The following BRINP2 variants were observed in gnomAD, a reference collection of about 807,000 sequenced individuals.
The protein encoded by BRINP2 is BMP/retinoic acid inducible neural specific 2, also known as BMP/retinoic acid-inducible neural-specific protein 2.
BRINP2 carries 21 observed loss-of-function variants against 69.2 expected under a neutral mutation model. The ratio of observed to expected loss-of-function variants is 0.30; its 90% CI spans 0.22 to 0.44. BRINP2 has a LOEUF of 0.44. Ranked by LOEUF, BRINP2 falls within the 20% of genes least tolerant of loss-of-function variation. BRINP2 has a pLI of 1.00. For synonymous variants in BRINP2, 380 were observed against 394.1 expected, an observed-to-expected ratio of 0.96 and a Z score of 0.42; for missense variants, 877 against 986.0, an observed-to-expected ratio of 0.89 and a Z score of 1.48.
intron 1 of BRINP2, among the ~76,000 whole-genome samples, chr1:177,213,807 T>C (rs1238165852): frequency 6.6e-6 from 1 of 152,222 alleles, no homozygotes; most frequent in African/African-American, 2.4e-5. Context: ...TTTTCTCCCA[T>C]CTTCCCTTTC....
chr1:177,199,720 T>G (rs1017935589), intron 1 of BRINP2, among the ~76,000 whole-genome samples: 1 of 152,216 alleles, frequency 6.6e-6, no homozygotes, highest in Non-Finnish European at 1.5e-5. Context: ...CAAGATTGTT[T>G]TGTTGATGTA....
At chr1:177,215,926 G>A (rs557432757) in intron 1 of BRINP2, among the ~76,000 whole-genome samples, 37 of 151,792 alleles carry the variant, frequency 2.4e-4, no homozygotes, top group Admixed American at 2.0e-4. Context: ...AGTTTATTTT[G>A]TCTAAGTATC....
intron 1 of BRINP2, among the ~76,000 whole-genome samples, chr1:177,180,965 G>A (rs562295154): frequency 4.6e-5 from 7 of 152,260 alleles, no homozygotes; most frequent in African/African-American, 1.4e-4. Flanking sequence ...CTATGAATGA[G>A]CGCCTGCTGT....
chr1:177,178,826 A>G (rs1188262931), intron 1 of BRINP2, among the ~76,000 whole-genome samples: 1 of 152,174 alleles, frequency 6.6e-6, no homozygotes, highest in Non-Finnish European at 1.5e-5. Context: ...ACACAGATAA[A>G]AGGTCTGCCC....
At chr1:177,280,303 T>G in intron 7 of BRINP2, 109 bp from the exon 8 acceptor site, 1 of 1,160,172 alleles carries the variant, frequency 8.6e-7, no homozygotes, top group East Asian at 2.4e-5. Context: ...GGGATTTTAT[T>G]TTCCTCATTG....
intron 6 of BRINP2, among the ~76,000 whole-genome samples, chr1:177,278,258 C>T (rs544363503): frequency 1.1e-4 from 17 of 152,156 alleles, no homozygotes; most frequent in African/African-American, 3.9e-4. Flanking sequence ...GAAAGAGATG[C>T]ATCCAAGGTC....
At chr1:177,226,970 C>T (rs1411213346) in intron 1 of BRINP2, among the ~76,000 whole-genome samples, 3 of 152,164 alleles carry the variant, frequency 2.0e-5, no homozygotes, top group African/African-American at 4.8e-5. Flanking sequence ...AGTTCCACCC[C>T]GGGTATTGCT....
chr1:177,200,599 T>C (rs1231520498), intron 1 of BRINP2, among the ~76,000 whole-genome samples: 1 of 152,154 alleles, frequency 6.6e-6, no homozygotes, highest in Non-Finnish European at 1.5e-5. Flanking sequence ...TTCTTCCAAA[T>C]GCCGTGTTTG....
chr1:177,240,091 GT>G (rs1161097761), intron 2 of BRINP2, among the ~76,000 whole-genome samples: 4 of 152,204 alleles, frequency 2.6e-5, no homozygotes, highest in African/African-American at 7.2e-5. Context: ...CAAGTTCTTT[GT>G]TATGAGCCCC....
intron 1 of BRINP2, among the ~76,000 whole-genome samples, chr1:177,187,865 T>C (rs989770852): frequency 3.3e-5 from 5 of 152,330 alleles, no homozygotes; most frequent in Admixed American, 6.5e-5. Flanking sequence ...TGTTTGGAAA[T>C]GTTCTGTAAT....
At chr1:177,242,828 TGAA>T (rs1368218788) in intron 2 of BRINP2, among the ~76,000 whole-genome samples, 1 of 152,152 alleles carries the variant, frequency 6.6e-6, no homozygotes, top group Non-Finnish European at 1.5e-5. Flanking sequence ...TGTTCTGGGA[TGAA>T]ATTAGATGAA....
Position 177,280,590 on chromosome 1 carries a change from G to T in BRINP2, c.1414G>T (p.Asp472Tyr), listed in dbSNP as rs1651662042. 6.2e-7 allele frequency: 1 copy of T among 1,614,036 alleles called. No individual in the cohort carries two copies. ...EGPACAHCAP[D>Y]NSTRCGSCNP... ...GCCCGCGTGTGCCCACTGTGCTCCAGACAATAGCACACGCTGTGGGAGCTG... is the reference window on the plus strand; with the variant it reads ...GCCCGCGTGTGCCCACTGTGCTCCATACAATAGCACACGCTGTGGGAGCTG... The change falls in exon 8 of 8, where the codon GAC (aspartate) becomes TAC (tyrosine). Residue 472 changes from aspartate (D) to tyrosine (Y), a missense_variant. Transcript: ENST00000361539.
chr1:177,280,749 A>G lies in BRINP2; in HGVS notation c.1573A>G (p.Ile525Val). The change falls in exon 8 of 8, where the codon ATT becomes GTT. Residue 525 changes from isoleucine (I) to valine (V), a missense_variant. Coordinates refer to ENST00000361539, the MANE Select transcript of BRINP2 (RefSeq NM_021165.4). Reference protein sequence around the residue: ...KYLLQKQDSRIEVHSIFISND... With the variant: ...KYLLQKQDSRVEVHSIFISND... ...CCTGCTGCAGAAGCAGGATAGCCGCATTGAGGTACACTCCATCTTCATCAG... is the reference window on the plus strand; with the variant it reads ...CCTGCTGCAGAAGCAGGATAGCCGCGTTGAGGTACACTCCATCTTCATCAG... 1 of 1,614,202 alleles carries G rather than the reference A, an allele frequency of 6.2e-7. No individual in the cohort carries two copies. Among genetic ancestry groups the G allele is most frequent in the Non-Finnish European group, 8.5e-7 (1 of 1,180,026 alleles).
chr1:177,203,279 G>A (rs981164112), intron 1 of BRINP2, among the ~76,000 whole-genome samples: 1 of 152,070 alleles, frequency 6.6e-6, no homozygotes, highest in African/African-American at 2.4e-5. Context: ...ATTGAACAAT[G>A]AGAACACATG....
intron 1 of BRINP2, among the ~76,000 whole-genome samples, chr1:177,223,253 C>T (rs924343658): frequency 6.6e-6 from 1 of 152,130 alleles, no homozygotes; most frequent in Admixed American, 6.6e-5. Context: ...GGCTGGTTAT[C>T]ACACAGAGAG....
chr1:177,202,591 T>G (rs1648947499), intron 1 of BRINP2, among the ~76,000 whole-genome samples: 1 of 152,228 alleles, frequency 6.6e-6, no homozygotes, highest in Non-Finnish European at 1.5e-5. Flanking sequence ...TTCTGTTCTT[T>G]TACATTTGCT....
intron 1 of BRINP2, among the ~76,000 whole-genome samples, chr1:177,193,354 AG>A (rs1167935939): frequency 1.3e-5 from 2 of 152,168 alleles, no homozygotes; most frequent in Non-Finnish European, 2.9e-5. Context: ...TCAGGCTGTG[AG>A]GGGGAGGGAT....
At chr1:177,247,623 G>A (rs1650425736) in intron 2 of BRINP2, among the ~76,000 whole-genome samples, 1 of 152,246 alleles carries the variant, frequency 6.6e-6, no homozygotes, top group South Asian at 2.1e-4. Context: ...AGCACTAAAA[G>A]TTGGAGGGGG....
chr1:177,187,714 T>C (rs1218765375), intron 1 of BRINP2, among the ~76,000 whole-genome samples: 1 of 152,166 alleles, frequency 6.6e-6, no homozygotes, highest in Admixed American at 6.5e-5. Context: ...AATGTTGTAT[T>C]CCACTTATTT....
Sources: gnomAD v4.1 joint callset for allele counts (sites outside exome capture counted in the v4.1 genomes callset) on GRCh38, gnomAD v4.1.1 for gene constraint, MANE v1.5 for transcripts, NCBI Gene and HGNC (gene_info 2026-07-23, HGNC 2026-07-21) for gene names.